Variants in LMCD1 observed in about 807,000 individuals in gnomAD.
LMCD1 encodes LIM and cysteine-rich domains protein 1.
A neutral mutation model predicts 42.7 loss-of-function variants in LMCD1; 32 were observed. The observed-to-expected ratio is 0.75, with a 90% confidence interval of 0.57 to 1.01. The LOEUF (loss-of-function observed/expected upper bound fraction) is 1.01. Ranked by LOEUF, LMCD1 falls within the 50% of genes least tolerant of loss-of-function variation. The probability of loss-of-function intolerance (pLI) is 0.00; values close to 1 mark genes in which losing one functional copy is unlikely to be tolerated. For missense variants in LMCD1, 458 were observed against 483.1 expected, an observed-to-expected ratio of 0.95 and a Z score of 0.49; for synonymous variants, 178 against 184.9, an observed-to-expected ratio of 0.96 and a Z score of 0.30.
chr3:8,532,658 G>A (rs1020390009), intron 1 of LMCD1, 79 bp from the exon 2 acceptor site: 157 of 1,232,472 alleles, frequency 1.3e-4, no homozygotes, highest in Non-Finnish European at 1.8e-4. Flanking sequence ...TTGCCAGCAC[G>A]CCAAGTCTTT....
At chr3:8,506,030 A>G (rs530687333) in intron 1 of LMCD1, among the ~76,000 whole-genome samples, 36 of 152,232 alleles carry the variant, frequency 2.4e-4, no homozygotes, top group Non-Finnish European at 4.9e-4. Flanking sequence ...TTTTTTAAAA[A>G]CAGAAATTAT....
chr3:8,533,561 T>C (rs2125023115), intron 2 of LMCD1, among the ~76,000 whole-genome samples: 1 of 152,246 alleles, frequency 6.6e-6, no homozygotes, highest in African/African-American at 2.4e-5. Context: ...TGCTGTAGCG[T>C]TGCCTTGAGC....
chr3:8,509,828 T>A (rs552196465), intron 1 of LMCD1, among the ~76,000 whole-genome samples: 1 of 152,266 alleles, frequency 6.6e-6, no homozygotes, highest in Non-Finnish European at 1.5e-5. Context: ...ACATTTTAAA[T>A]AGGGCCTTTG....
intron 5 of LMCD1, 151 bp downstream of exon 5, chr3:8,565,798 T>C (rs1358832966): frequency 1.4e-6 from 1 of 732,540 alleles, no homozygotes; most frequent in Non-Finnish European, 2.2e-6. Flanking sequence ...TCAACCTTCA[T>C]TTTCTCATCT....
At chr3:8,523,034 G>A (rs933092881) in intron 1 of LMCD1, among the ~76,000 whole-genome samples, 12 of 152,148 alleles carry the variant, frequency 7.9e-5, no homozygotes, top group African/African-American at 2.9e-4. Flanking sequence ...AAGGGCTGCC[G>A]ATTCAGGCAC....
intron 1 of LMCD1, among the ~76,000 whole-genome samples, chr3:8,515,456 T>C (rs374085482): frequency 2.0e-4 from 31 of 152,312 alleles, no homozygotes; most frequent in East Asian, 1.2e-3. Context: ...TCCTGCTGAA[T>C]GCACGTTTAC....
intron 1 of LMCD1, among the ~76,000 whole-genome samples, chr3:8,526,384 A>T (rs1480921141): frequency 6.6e-6 from 1 of 152,134 alleles, no homozygotes; most frequent in East Asian, 1.9e-4. Context: ...CTTTAATTTG[A>T]CCCCTTTGAA....
intron 1 of LMCD1, among the ~76,000 whole-genome samples, chr3:8,505,625 G>C (rs1461059271): frequency 6.6e-6 from 1 of 152,250 alleles, no homozygotes; most frequent in Non-Finnish European, 1.5e-5. Context: ...CAGTGGGCTG[G>C]CTCCAGAGGG....
chr3:8,564,770 C>A (rs2125040903), intron 4 of LMCD1, among the ~76,000 whole-genome samples: 1 of 152,226 alleles, frequency 6.6e-6, no homozygotes, highest in East Asian at 1.9e-4. Context: ...GAAGAATATC[C>A]ACAGTTGCCT....
At chr3:8,567,055 A>G (rs1695142626) in intron 5 of LMCD1, among the ~76,000 whole-genome samples, 1 of 152,168 alleles carries the variant, frequency 6.6e-6, no homozygotes, top group South Asian at 2.1e-4. Flanking sequence ...TTCCAAGCCC[A>G]AGTGACCCTC....
intron 3 of LMCD1, among the ~76,000 whole-genome samples, chr3:8,538,587 GCTCCT>G (rs1694555554): frequency 6.6e-6 from 1 of 152,134 alleles, no homozygotes; most frequent in Non-Finnish European, 1.5e-5. Context: ...AACACACCAA[GCTCCT>G]GCCCTCCTTG....
intron 4 of LMCD1, among the ~76,000 whole-genome samples, chr3:8,562,614 GT>G (rs1695059739): frequency 6.6e-6 from 1 of 152,138 alleles, no homozygotes; most frequent in Non-Finnish European, 1.5e-5. Context: ...TAGGAATGTG[GT>G]TGATCCCTAG....
intron 2 of LMCD1, among the ~76,000 whole-genome samples, chr3:8,534,841 T>C (rs950567468): frequency 1.3e-5 from 2 of 152,240 alleles, no homozygotes; most frequent in East Asian, 1.9e-4. Context: ...GGATCACTCA[T>C]GTATAAAGTC....
intron 1 of LMCD1, among the ~76,000 whole-genome samples, chr3:8,527,164 G>T (rs747597400): frequency 5.9e-5 from 9 of 152,186 alleles, no homozygotes; most frequent in Non-Finnish European, 1.3e-4. Context: ...AAAATGTTTG[G>T]CATGTGCCTG....
At chr3:8,563,994 A>G (rs1559358483) in intron 4 of LMCD1, among the ~76,000 whole-genome samples, 1 of 152,182 alleles carries the variant, frequency 6.6e-6, no homozygotes, top group Non-Finnish European at 1.5e-5. Flanking sequence ...AGTCTGAGAA[A>G]CTGTCCCAGC....
At chr3:8,527,511 C>T (rs1694323198) in intron 1 of LMCD1, among the ~76,000 whole-genome samples, 1 of 152,164 alleles carries the variant, frequency 6.6e-6, no homozygotes, top group African/African-American at 2.4e-5. Flanking sequence ...AAATACAATT[C>T]CAGTCCTTTC....
intron 3 of LMCD1, among the ~76,000 whole-genome samples, chr3:8,538,277 T>C (rs1694550343): frequency 6.6e-6 from 1 of 152,192 alleles, no homozygotes; most frequent in Admixed American, 6.5e-5. Flanking sequence ...AGGGCCATCC[T>C]GAGATACCGC....
At chr3:8,523,357 ACACATG>A (rs1381843021) in intron 1 of LMCD1, among the ~76,000 whole-genome samples, 1 of 152,216 alleles carries the variant, frequency 6.6e-6, no homozygotes, top group Non-Finnish European at 1.5e-5. Context: ...TCTCACACAT[ACACATG>A]CACACACATG....
intron 4 of LMCD1, among the ~76,000 whole-genome samples, chr3:8,555,408 A>G (rs535460430): frequency 3.0e-4 from 45 of 152,214 alleles, no homozygotes; most frequent in Non-Finnish European, 5.6e-4. Flanking sequence ...AGTGAGCCCC[A>G]TCTGAGCTGG....
Sources: allele counts gnomAD v4.1 joint callset (sites outside exome capture counted in the v4.1 genomes callset), GRCh38; gene constraint gnomAD v4.1.1; transcripts MANE v1.5; gene names NCBI Gene and HGNC (gene_info 2026-07-23, HGNC 2026-07-21).